ACACB: variants seen among roughly 807,000 people sequenced by gnomAD.
ACACB encodes acetyl-CoA carboxylase beta.
In ACACB, 209 loss-of-function variants were observed where a neutral mutation model predicts 278.8. That is an observed-to-expected ratio of 0.75 (90% CI 0.67 to 0.84). The LOEUF (loss-of-function observed/expected upper bound fraction) is 0.84. Ranked by LOEUF, ACACB falls within the 40% of genes least tolerant of loss-of-function variation. The pLI, the probability that ACACB is intolerant of heterozygous loss-of-function variation, is 0.00. For synonymous variants in ACACB, 1,174 were observed against 1,285.6 expected (o/e 0.91, Z 1.86); for missense variants, 2,850 against 3,269.0 (o/e 0.87, Z 3.13).
chr12:109,256,047 C>A (rs2047215247), intron 44 of ACACB, 93 bp from the exon 45 acceptor site: 2 of 915,658 alleles, frequency 2.2e-6, no homozygotes, highest in African/African-American at 3.2e-5. Flanking sequence ...TAAAGCCAGG[C>A]TGTCCTTAGG....
intron 1 of ACACB, among the ~76,000 whole-genome samples, chr12:109,136,615 G>A (rs1451368171): frequency 1.3e-5 from 2 of 152,056 alleles, no homozygotes; most frequent in East Asian, 3.9e-4. Flanking sequence ...AAATGGAATT[G>A]TTTTCTTAAT....
At chr12:109,197,926 G>A (rs1369246137) in intron 17 of ACACB, among the ~76,000 whole-genome samples, 2 of 152,040 alleles carry the variant, frequency 1.3e-5, no homozygotes, top group East Asian at 1.9e-4. Flanking sequence ...AGAGGGTCTC[G>A]CTCTGTCACC....
In ACACB at chr12:109,163,729, A is replaced by G. The variant is rs138675718; in HGVS notation, c.654-3132A>G. 3.3e-3 allele frequency among the ~76,000 whole-genome samples: 508 copies of G among 152,266 alleles called. 3 individuals are homozygous for G. Among genetic ancestry groups the G allele is most frequent in the African/African-American group, 0.011 (477 of 41,562 alleles). On this transcript the variant is annotated intron_variant, in intron 2 of 52. Coordinates refer to ENST00000338432, the MANE Select transcript of ACACB (RefSeq NM_001093.4). ...CAGTGGCACAATCTTGGCTCACTACAACATCCGCCTCCTGGGTTCAAGTGA... is the reference window on the plus strand; with the variant it reads ...CAGTGGCACAATCTTGGCTCACTACGACATCCGCCTCCTGGGTTCAAGTGA...
chr12:109,169,525 C>G (rs2044037223), intron 4 of ACACB, among the ~76,000 whole-genome samples: 1 of 152,164 alleles, frequency 6.6e-6, no homozygotes, highest in Non-Finnish European at 1.5e-5. Context: ...CTGGCTCCAT[C>G]TTGAACCTCT....
chr12:109,201,480 C>T (rs1320796295), intron 18 of ACACB, 87 bp from the exon 19 acceptor site: 24 of 1,525,666 alleles, frequency 1.6e-5, no homozygotes, highest in Middle Eastern at 1.7e-4. Flanking sequence ...TGTCCCGGCG[C>T]GTCCCTGCTC....
rs11065772 is a variant in ACACB at position 109,180,060 on chromosome 12, T to G, written c.1791T>G (p.Asp597Glu). ...ATCCCTGCACAGAAATGATTGCTGA[T>G]GTTAATCTGCCGGCCGCCCAGCTAC... ...VEHPCTEMIA[D>E]VNLPAAQLQI... The change falls in exon 11 of 53, where the codon GAT becomes GAG. Residue 597 changes from aspartate (D) to glutamate (E), a missense_variant. Asp to Glu is a conservative substitution (Grantham distance 45). This residue lies in a region of ACACB where 2,265 missense variants were observed against 2,561.3 expected (regional missense o/e 0.88). Transcript: ENST00000338432. 1.2e-6 allele frequency: 2 copies of G among 1,611,942 alleles called. No individual in the cohort carries two copies. The highest frequency in any genetic ancestry group is 1.7e-6 in the Non-Finnish European group (2 of 1,179,582).
intron 47 of ACACB, chr12:109,259,951 G>A (rs537070155): frequency 3.1e-6 from 2 of 651,092 alleles, no homozygotes; most frequent in South Asian, 1.5e-5. Flanking sequence ...TTTGTAAAAG[G>A]GGGTTAAGAA....
At chr12:109,173,821 A>G (rs1013196982) in intron 6 of ACACB, among the ~76,000 whole-genome samples, 1 of 152,194 alleles carries the variant, frequency 6.6e-6, no homozygotes, top group African/African-American at 2.4e-5. Flanking sequence ...TTGAGCTCCT[A>G]GCTTACCTCT....
At chr12:109,257,953 C>A (rs1315101620) in intron 45 of ACACB, among the ~76,000 whole-genome samples, 1 of 152,184 alleles carries the variant, frequency 6.6e-6, no homozygotes, top group Non-Finnish European at 1.5e-5. Context: ...CACGTGCAGC[C>A]CACAGCTCCT....
intron 20 of ACACB, among the ~76,000 whole-genome samples, chr12:109,207,519 AAG>A (rs1200084010): frequency 6.6e-6 from 1 of 152,192 alleles, no homozygotes; most frequent in African/African-American, 2.4e-5. Context: ...GTAGAGAAAC[AAG>A]AAGTTCTCTG....
intron 37 of ACACB, among the ~76,000 whole-genome samples, chr12:109,243,474 C>G (rs752935086): frequency 6.6e-6 from 1 of 152,072 alleles, no homozygotes; most frequent in South Asian, 2.1e-4. Context: ...TGGCAGGCAC[C>G]TGTAGTCCCA....
chr12:109,228,597 T>G (rs2046384517), intron 28 of ACACB, among the ~76,000 whole-genome samples: 1 of 148,874 alleles, frequency 6.7e-6, no homozygotes, highest in South Asian at 2.1e-4. Flanking sequence ...AGGCAGAGGT[T>G]GCAGTGAGCC....
At chr12:109,242,305 C>G (rs1464181773) in intron 36 of ACACB, 132 bp from the exon 37 acceptor site, 3 of 984,074 alleles carry the variant, frequency 3.0e-6, no homozygotes, top group Non-Finnish European at 4.6e-6. Context: ...GTAGCCCAGG[C>G]ACTCACTTTG....
Position 109,250,023 on chromosome 12 carries a change from G to A in ACACB, c.5709G>A (p.Leu1903=). ...ITDIIGKDDG[L]GVENLRGSGM... ...ATATCATCGGGAAGGATGATGGCTT[G>A]GGCGTGGAGAATCTGAGGGGCTCAG... The change falls in exon 41 of 53, where the codon TTG becomes TTA. Residue 1903 remains leucine (L), a synonymous_variant. Transcript: ENST00000338432. 1 of 1,613,518 alleles carries A rather than the reference G, an allele frequency of 6.2e-7. No individual in the cohort carries two copies. Among genetic ancestry groups the A allele is most frequent in the Non-Finnish European group, 8.5e-7 (1 of 1,179,748 alleles).
chr12:109,227,376 C>T lies in ACACB; in HGVS notation c.3888C>T (p.Tyr1296=), dbSNP rs747094731. 155 of 1,610,770 alleles carry T rather than the reference C, an allele frequency of 9.6e-5. 1 individual carries two copies. The highest frequency in any genetic ancestry group is 1.6e-4 in the Middle Eastern group (1 of 6,080). The part of the protein sequence containing the change: ...KVVCMASLEV[Y]VRRGYIAYEL... ...GTGTGTTTCTGCCTTGTCAGGTTTA[C>T]GTGCGGAGGGGCTACATCGCCTATG... Residue 1296 remains tyrosine, a synonymous_variant, in exon 28 of 53, where the codon TAC becomes TAT. Coordinates refer to ENST00000338432, the MANE Select transcript of ACACB (RefSeq NM_001093.4).
intron 49 of ACACB, chr12:109,263,931 G>T: frequency 3.4e-6 from 1 of 295,928 alleles, no homozygotes; most frequent in Non-Finnish European, 6.3e-6. Context: ...CATGTTGAAT[G>T]CTGTCTTGCA....
intron 1 of ACACB, among the ~76,000 whole-genome samples, chr12:109,121,453 G>C (rs1288906596): frequency 6.6e-6 from 1 of 152,162 alleles, no homozygotes; most frequent in Non-Finnish European, 1.5e-5. Flanking sequence ...CTTCTAGTGG[G>C]GGACACTGGT....
chr12:109,249,900 C>T, intron 40 of ACACB, 84 bp from the exon 41 acceptor site: 1 of 1,489,758 alleles, frequency 6.7e-7, no homozygotes, highest in Non-Finnish European at 9.0e-7. Context: ...CCTTGCTGCC[C>T]AGTCAGTCCC....
chr12:109,126,724 A>G (rs575804853), intron 1 of ACACB, among the ~76,000 whole-genome samples: 1 of 152,226 alleles, frequency 6.6e-6, no homozygotes, highest in South Asian at 2.1e-4. Flanking sequence ...GAAAGAAAAA[A>G]GAAGTTTGGT....
Sources: gnomAD v4.1 joint callset for allele counts (sites outside exome capture counted in the v4.1 genomes callset) on GRCh38, gnomAD v4.1.1 for gene constraint, gnomAD v4.1.1 regional missense constraint, MANE v1.5 for transcripts, NCBI Gene and HGNC (gene_info 2026-07-23, HGNC 2026-07-21) for gene names.